The following PKIB variants were observed in gnomAD, a reference collection of about 807,000 sequenced individuals.
PKIB encodes the protein cAMP-dependent protein kinase inhibitor beta.
Under a neutral mutation model 4.5 loss-of-function variants are expected in PKIB, and 2 were observed. The ratio of observed to expected loss-of-function variants is 0.44; its 90% confidence interval spans 0.18 to 1.39. The LOEUF is 1.39. Among genes scored for constraint, PKIB ranks in the 40% most tolerant of loss-of-function variants. The pLI is 0.27. For synonymous variants in PKIB, 38 were observed against 36.0 expected (o/e 1.06, Z -0.20); for missense variants, 94 against 92.6 (o/e 1.02, Z -0.06).
intron 2 of PKIB, among the ~76,000 whole-genome samples, chr6:122,559,041 G>GTC (rs925954309): frequency 6.6e-6 from 1 of 151,984 alleles, no homozygotes; most frequent in African/African-American, 2.4e-5. Context: ...TAGAATAATA[G>GTC]TCTCCAAACT....
intron 1 of PKIB, among the ~76,000 whole-genome samples, chr6:122,627,225 CAG>C (rs1229320901): frequency 2.0e-4 from 30 of 150,504 alleles, no homozygotes; most frequent in African/African-American, 2.7e-4. Flanking sequence ...GCCTGGGCGA[CAG>C]AGTTAGACTC....
intron 3 of PKIB, among the ~76,000 whole-genome samples, chr6:122,596,483 G>T (rs1774182880): frequency 6.6e-6 from 1 of 152,184 alleles, no homozygotes; most frequent in Admixed American, 6.5e-5. Flanking sequence ...ATGCTGCTGT[G>T]CATGACCCAC....
intron 3 of PKIB, among the ~76,000 whole-genome samples, chr6:122,710,735 G>A (rs964600822): frequency 6.6e-6 from 1 of 152,186 alleles, no homozygotes; most frequent in African/African-American, 2.4e-5. Context: ...CTTACTTACT[G>A]TGCCAAATTC....
Position 122,675,252 on chromosome 6 carries a change from G to C in PKIB, c.-9+108G>C, listed in dbSNP as rs531112486. 3.9e-5 allele frequency: 6 copies of C among 152,530 alleles called. No homozygotes were observed. The South Asian group carries it at 1.0e-3, about 26-fold the overall frequency. 9.4% of individuals were successfully genotyped at this position (152,530 alleles called of 1,614,324 possible). On this transcript the variant is annotated intron_variant, in intron 3 of 4. Coordinates refer to ENST00000368452, the MANE Select transcript of PKIB (RefSeq NM_181795.3). ...GGAAATGGATATTTAGTCTGAAGTG[G>C]CATGCAAAATTTGAATGAGAGTAAT...
intron 2 of PKIB, among the ~76,000 whole-genome samples, chr6:122,655,042 A>G (rs928356301): frequency 1.3e-5 from 2 of 152,114 alleles, no homozygotes; most frequent in East Asian, 3.9e-4. Flanking sequence ...GGCTGGAGTG[A>G]AGTGGCATGA....
intron 2 of PKIB, among the ~76,000 whole-genome samples, chr6:122,545,749 C>A (rs1375269493): frequency 6.6e-6 from 1 of 150,714 alleles, no homozygotes; most frequent in Non-Finnish European, 1.5e-5. Flanking sequence ...ATGCAATTTA[C>A]CCATGTAACA....
Position 122,651,755 on chromosome 6 carries a change from A to C in PKIB, c.-76+18388A>C, listed in dbSNP as rs993187851. ...GAGATAAGGATTTGCTTTTGGGCAGACACAGAAGTATTCAGGTTATTTATA... is the reference window on the plus strand; with the variant it reads ...GAGATAAGGATTTGCTTTTGGGCAGCCACAGAAGTATTCAGGTTATTTATA... On this transcript the variant is annotated intron_variant, in intron 2 of 4. Coordinates refer to ENST00000368452, the MANE Select transcript of PKIB (RefSeq NM_181795.3). Among the ~76,000 whole-genome samples, 3 of 152,206 alleles carry C rather than the reference A, an allele frequency of 2.0e-5. No homozygotes were observed. In the East Asian group the frequency reaches 5.8e-4, roughly 29 times the overall value.
intron 3 of PKIB, among the ~76,000 whole-genome samples, chr6:122,716,026 A>C (rs572567075): frequency 1.3e-5 from 2 of 152,146 alleles, no homozygotes; most frequent in African/African-American, 2.4e-5. Flanking sequence ...AAAAATGTTC[A>C]TGTAGTATTG....
At chr6:122,669,165 G>A (rs781452388) in intron 2 of PKIB, among the ~76,000 whole-genome samples, 2 of 152,010 alleles carry the variant, frequency 1.3e-5, no homozygotes, top group Non-Finnish European at 2.9e-5. Flanking sequence ...TTCCTCTATT[G>A]TGAGAATTTA....
At chr6:122,471,969 T>A in exon 1 of PKIB, 2 of 1,025,250 alleles carry the variant, frequency 2.0e-6, no homozygotes, top group South Asian at 1.8e-5. Flanking sequence ...CCTGGAGAAT[T>A]TCTCAAGGAC....
intron 2 of PKIB, among the ~76,000 whole-genome samples, chr6:122,655,457 A>T (rs1047066803): frequency 6.6e-5 from 10 of 152,216 alleles, no homozygotes; most frequent in Non-Finnish European, 1.5e-4. Context: ...GTGAGGATAC[A>T]GCAAGAATGT....
At chr6:122,658,806 A>G (rs559161621) in intron 2 of PKIB, among the ~76,000 whole-genome samples, 3 of 104,788 alleles carry the variant, frequency 2.9e-5, no homozygotes, top group African/African-American at 1.2e-4. Context: ...GTAATGTTAA[A>G]TGTTTATGTT....
At chr6:122,718,104 G>A (rs1779575789) in intron 4 of PKIB, 141 bp downstream of exon 4, 1 of 821,728 alleles carries the variant, frequency 1.2e-6, no homozygotes, top group Non-Finnish European at 1.8e-6. Flanking sequence ...TTTTGTTTAA[G>A]GCTTAGTAGA....
intron 2 of PKIB, among the ~76,000 whole-genome samples, chr6:122,538,199 A>T (rs545273616): frequency 1.9e-3 from 289 of 152,056 alleles, no homozygotes; most frequent in African/African-American, 6.6e-3. Context: ...CCCATTTGTC[A>T]ATTTTGGCTT....
intron 2 of PKIB, among the ~76,000 whole-genome samples, chr6:122,584,734 TTG>T (rs1773802135): frequency 6.6e-6 from 1 of 152,132 alleles, no homozygotes; most frequent in Non-Finnish European, 1.5e-5. Context: ...TAAGTATGAA[TTG>T]TCTGTTTAAT....
intron 3 of PKIB, among the ~76,000 whole-genome samples, chr6:122,686,881 G>T (rs923202128): frequency 2.0e-5 from 3 of 151,938 alleles, no homozygotes; most frequent in Admixed American, 6.6e-5. Flanking sequence ...TTGTCACATT[G>T]GTACTTTGTA....
At chr6:122,640,874 C>T (rs964991560) in intron 2 of PKIB, among the ~76,000 whole-genome samples, 71 of 152,214 alleles carry the variant, frequency 4.7e-4, no homozygotes, top group African/African-American at 1.7e-3. Flanking sequence ...TTAGTTTCAC[C>T]TTCTCTTTGT....
intron 1 of PKIB, among the ~76,000 whole-genome samples, chr6:122,625,899 T>C (rs1182464429): frequency 1.3e-5 from 2 of 152,090 alleles, no homozygotes; most frequent in Non-Finnish European, 1.5e-5. Context: ...ACAAATTCCA[T>C]CTCTACAAAA....
intron 3 of PKIB, chr6:122,717,515 A>G: frequency 2.3e-6 from 1 of 428,928 alleles, no homozygotes; most frequent in Non-Finnish European, 4.1e-6. Context: ...ACAAAAGGCA[A>G]GGGATTACTG....
Sources: gnomAD v4.1 joint callset for allele counts (sites outside exome capture counted in the v4.1 genomes callset) on GRCh38, gnomAD v4.1.1 for gene constraint, MANE v1.5 for transcripts, NCBI Gene and HGNC (gene_info 2026-07-23, HGNC 2026-07-21) for gene names.